The following PTPRT variants were observed in gnomAD, a reference collection of about 807,000 sequenced individuals.
The protein encoded by PTPRT is protein tyrosine phosphatase receptor type T.
PTPRT carries 56 observed loss-of-function variants against 176.8 expected under a neutral mutation model. That is an observed-to-expected ratio of 0.32 (90% CI 0.26 to 0.40). PTPRT has a LOEUF of 0.40. Ranked by LOEUF, PTPRT falls within the 10% of genes least tolerant of loss-of-function variation. The pLI, the probability that PTPRT is intolerant of heterozygous loss-of-function variation, is 1.00. For missense variants in PTPRT, 1,540 were observed against 1,908.2 expected, an observed-to-expected ratio of 0.81 and a Z score of 3.60; for synonymous variants, 783 against 739.0, an observed-to-expected ratio of 1.06 and a Z score of -0.96.
At chr20:42,088,236 G>A (rs2146140141) in intron 27 of PTPRT, among the ~76,000 whole-genome samples, 1 of 152,264 alleles carries the variant, frequency 6.6e-6, no homozygotes, top group South Asian at 2.1e-4. Context: ...AAGACCCACC[G>A]AGGCTTCTGA....
chr20:42,555,443 C>T (rs529783976), intron 7 of PTPRT, among the ~76,000 whole-genome samples: 30 of 151,980 alleles, frequency 2.0e-4, no homozygotes, highest in East Asian at 9.7e-4. Flanking sequence ...ATGATGAGTA[C>T]GAGAGAAAAA....
intron 11 of PTPRT, among the ~76,000 whole-genome samples, chr20:42,350,231 T>TTG (rs1568799561): frequency 1.5e-5 from 2 of 134,636 alleles, no homozygotes; most frequent in Admixed American, 7.2e-5. Context: ...TTTTTTTTTT[T>TTG]TTTTTTTTTT....
chr20:42,565,616 T>C (rs2073026491), intron 7 of PTPRT, among the ~76,000 whole-genome samples: 1 of 152,064 alleles, frequency 6.6e-6, no homozygotes, highest in African/African-American at 2.4e-5. Context: ...AGCCTAACTT[T>C]TAAATTAAAC....
intron 7 of PTPRT, among the ~76,000 whole-genome samples, chr20:42,654,691 C>T (rs2075092661): frequency 6.6e-6 from 1 of 152,136 alleles, no homozygotes; most frequent in Admixed American, 6.5e-5. Flanking sequence ...TCATTAAAGC[C>T]TCACAGGAGC....
rs576066463 is a variant in PTPRT at position 42,324,948 on chromosome 20, G to A, written c.1866-8952C>T. Among the ~76,000 whole-genome samples the A allele has an allele frequency of 6.6e-5, 10 of 152,314 alleles. No individual in the cohort carries two copies. In the East Asian group the frequency reaches 1.9e-3, roughly 29 times the overall value. ...CTTTGCTTTGCCTCTGACTAGTTCG[G>A]CGACCTATTGTCCTATCTGTCTGTC... On this transcript the variant is annotated intron_variant, in intron 11 of 30. Coordinates refer to ENST00000373187, the MANE Select transcript of PTPRT (RefSeq NM_007050.6).
At chr20:42,224,026 G>T (rs1207869522) in intron 15 of PTPRT, among the ~76,000 whole-genome samples, 2 of 152,234 alleles carry the variant, frequency 1.3e-5, no homozygotes, top group Admixed American at 6.5e-5. Flanking sequence ...AACATGGGTG[G>T]TTGTAATATA....
chr20:42,418,609 C>T (rs1386831114), intron 9 of PTPRT, among the ~76,000 whole-genome samples: 3 of 152,176 alleles, frequency 2.0e-5, no homozygotes, highest in Non-Finnish European at 4.4e-5. Context: ...ATAGCTTGCA[C>T]TCAAAATCAA....
intron 13 of PTPRT, chr20:42,270,279 G>A (rs542160532): frequency 7.8e-6 from 6 of 770,076 alleles, no homozygotes; most frequent in East Asian, 2.9e-5. Context: ...TGGGTGGGGG[G>A]GTGGGTGGGT....
intron 9 of PTPRT, among the ~76,000 whole-genome samples, chr20:42,447,179 T>C (rs953800136): frequency 6.6e-6 from 1 of 152,190 alleles, no homozygotes; most frequent in Non-Finnish European, 1.5e-5. Flanking sequence ...TGCATGTTTC[T>C]GCATGAGCTC....
intron 5 of PTPRT, among the ~76,000 whole-genome samples, chr20:42,762,142 C>G (rs2076923717): frequency 6.6e-6 from 1 of 152,144 alleles, no homozygotes; most frequent in African/African-American, 2.4e-5. Context: ...AACAGAGTAT[C>G]TTCCTATATT....
chr20:42,686,255 C>A (rs754915605), intron 6 of PTPRT: 2 of 152,148 alleles, frequency 1.3e-5, no homozygotes, highest in Non-Finnish European at 2.9e-5. Flanking sequence ...ACAGGCATTG[C>A]ACTTCCCACC....
intron 1 of PTPRT, among the ~76,000 whole-genome samples, chr20:42,898,596 C>T (rs1379609205): frequency 6.6e-6 from 1 of 152,084 alleles, no homozygotes; most frequent in Admixed American, 6.6e-5. Flanking sequence ...CAAAAAGTAC[C>T]AAGAGTTCCC....
chr20:42,283,987 T>C (rs923222416), intron 12 of PTPRT, among the ~76,000 whole-genome samples: 1 of 152,144 alleles, frequency 6.6e-6, no homozygotes, highest in Middle Eastern at 3.4e-3. Flanking sequence ...AAAGTCTGCT[T>C]TTGCTTGTGT....
chr20:42,099,332 A>G (rs1251264603), intron 26 of PTPRT, among the ~76,000 whole-genome samples: 2 of 152,096 alleles, frequency 1.3e-5, no homozygotes, highest in Non-Finnish European at 2.9e-5. Flanking sequence ...GATGTCACAC[A>G]GATTGAATGA....
At chr20:42,801,744 C>T (rs1292104132) in intron 2 of PTPRT, among the ~76,000 whole-genome samples, 1 of 152,050 alleles carries the variant, frequency 6.6e-6, no homozygotes, top group Non-Finnish European at 1.5e-5. Context: ...AGGCTGAGGT[C>T]TAAGTTATGT....
intron 27 of PTPRT, among the ~76,000 whole-genome samples, chr20:42,088,838 T>TTCA (rs1293140301): frequency 6.6e-6 from 1 of 152,204 alleles, no homozygotes; most frequent in Non-Finnish European, 1.5e-5. Flanking sequence ...AAGGACATAA[T>TTCA]TCATGTAAAT....
chr20:42,743,802 A>T (rs1005526645), intron 6 of PTPRT, among the ~76,000 whole-genome samples: 4 of 152,196 alleles, frequency 2.6e-5, no homozygotes, highest in African/African-American at 9.7e-5. Context: ...AGCCACCCCA[A>T]CTGTTGAGAT....
rs146444329 is a variant in PTPRT, at chr20:42,418,257, T to C, written c.1560+29963A>G. Among the ~76,000 whole-genome samples, 677 of 152,334 alleles carry C rather than the reference T, an allele frequency of 4.4e-3. 5 individuals are homozygous for C. Among genetic ancestry groups the C allele is most frequent in the African/African-American group, 0.016 (652 of 41,578 alleles). On this transcript the variant is annotated intron_variant, in intron 9 of 30. Coordinates refer to ENST00000373187, the MANE Select transcript of PTPRT (RefSeq NM_007050.6). ...TACATATTACTAAAACTATACATTA[T>C]TAAAATAATTTTACCTGTTTTTTAA...
chr20:42,552,600 T>A (rs1334693667), intron 7 of PTPRT, among the ~76,000 whole-genome samples: 2 of 152,158 alleles, frequency 1.3e-5, no homozygotes, highest in Non-Finnish European at 2.9e-5. Context: ...TAAATACATT[T>A]AATCACATAA....
Sources: gnomAD v4.1 joint callset for allele counts (sites outside exome capture counted in the v4.1 genomes callset) on GRCh38, gnomAD v4.1.1 for gene constraint, MANE v1.5 for transcripts, NCBI Gene and HGNC (gene_info 2026-07-23, HGNC 2026-07-21) for gene names.